PRKCI: variants seen among roughly 807,000 people sequenced by gnomAD.
PRKCI encodes protein kinase C iota type.
A neutral mutation model predicts 84.0 loss-of-function variants in PRKCI; 43 were observed. The observed-to-expected ratio is 0.51, with a 90% CI of 0.40 to 0.66. The LOEUF (loss-of-function observed/expected upper bound fraction) is 0.66, where lower values mean the gene tolerates loss of function less well. Among genes scored for constraint, PRKCI ranks in the 30% least tolerant of loss-of-function variants. The probability of loss-of-function intolerance (pLI) is 0.00; values close to 1 mark genes in which losing one functional copy is unlikely to be tolerated. For synonymous variants in PRKCI, 216 were observed against 234.4 expected (o/e 0.92, Z 0.72); for missense variants, 459 against 745.6 (o/e 0.62, Z 4.48).
intron 1 of PRKCI, among the ~76,000 whole-genome samples, chr3:170,227,741 C>CA (rs1249500157): frequency 6.6e-6 from 1 of 152,180 alleles, no homozygotes; most frequent in East Asian, 1.9e-4. Context: ...TGTCATACTG[C>CA]AGAGTTTAGA....
intron 10 of PRKCI, chr3:170,281,574 G>A (rs1000952521): frequency 2.0e-5 from 8 of 403,456 alleles, no homozygotes; most frequent in African/African-American, 1.2e-4. Flanking sequence ...TTAACAAGGA[G>A]GAAAAATACC....
chr3:170,287,222 T>A (rs542990380), intron 12 of PRKCI, among the ~76,000 whole-genome samples: 1 of 152,006 alleles, frequency 6.6e-6, no homozygotes, highest in South Asian at 2.1e-4. Flanking sequence ...TCCCAGCTAC[T>A]TGGGAGGCTG....
intron 2 of PRKCI, 74 bp from the exon 3 acceptor site, chr3:170,259,894 AT>A: frequency 1.4e-6 from 1 of 740,102 alleles, no homozygotes; most frequent in Non-Finnish European, 2.2e-6. Context: ...AAAAATTTAC[AT>A]TATGAAATTT....
chr3:170,281,975 T>A lies in PRKCI; in HGVS notation c.1067+7T>A. On this transcript the variant is annotated splice_region_variant and intron_variant, in intron 11 of 17. Coordinates refer to ENST00000295797, the MANE Select transcript of PRKCI (RefSeq NM_002740.6). ...TTCCTGAAGAACATGCCAGGTGAGT[T>A]TTTGTTTACTGTTTGTGTTGTTTTC... The A allele has an allele frequency of 6.2e-7, 1 of 1,610,272 alleles. No individual in the cohort carries two copies.
Position 170,222,640 on chromosome 3 carries a change from C to A in PRKCI, c.-30C>A. ...CCGAAGCGCCCCCCCGCACCCCCGG[C>A]CTCCAGCGTTGAGGCGGGGGAGTGA... On this transcript the variant is annotated 5_prime_UTR_variant, in exon 1 of 18. Transcript: ENST00000295797. The A allele has an allele frequency of 6.5e-7, 1 of 1,530,822 alleles. No homozygotes were observed. Among genetic ancestry groups the A allele is most frequent in the Non-Finnish European group, 8.8e-7 (1 of 1,137,482 alleles). 94.8% of individuals were successfully genotyped at this position (1,530,822 alleles called of 1,614,324 possible). A position where few individuals can be genotyped will look rare whatever the true frequency, so the allele number is the denominator to read the frequency against.
Position 170,262,917 on chromosome 3 carries a change from TC to T in PRKCI, c.314-459del, listed in dbSNP as rs1733767485. On this transcript the variant is annotated intron_variant, in intron 3 of 17. Transcript: ENST00000295797. ...CGGGCGCGGTGACTCACGCCTGTAA[TC>T]CCAGCACTTTGGGAGGCCGAGACAG... Among the ~76,000 whole-genome samples, 3 of 149,078 alleles carry T rather than the reference TC, an allele frequency of 2.0e-5. No homozygotes were observed. In the South Asian group the frequency reaches 6.4e-4, roughly 32 times the overall value.
chr3:170,304,897 CTT>C lies in PRKCI; in HGVS notation c.*1776_*1777del, dbSNP rs1386002011. On this transcript the variant is annotated 3_prime_UTR_variant, in exon 18 of 18. Transcript: ENST00000295797. ...AATTTGTAGGCATTTAATAAATTAT[CTT>C]TTTTTGGAGGGGTGGATGCTGCATT... 1 of 151,838 alleles carries C rather than the reference CTT, an allele frequency of 6.6e-6. No individual in the cohort carries two copies. The highest frequency in any genetic ancestry group is 2.4e-5 in the African/African-American group (1 of 41,318). The allele number at this position is 151,838 out of a possible 1,614,324, so 9.4% of individuals were successfully genotyped here.
chr3:170,258,931 CAGAA>C (rs1399371753), intron 2 of PRKCI, among the ~76,000 whole-genome samples: 1 of 152,124 alleles, frequency 6.6e-6, no homozygotes, highest in Non-Finnish European at 1.5e-5. Flanking sequence ...AAACAGGTAA[CAGAA>C]AGCCTCCTCT....
chr3:170,293,994 G>A (rs1363697199), intron 14 of PRKCI, among the ~76,000 whole-genome samples: 1 of 152,044 alleles, frequency 6.6e-6, no homozygotes, highest in Non-Finnish European at 1.5e-5. Context: ...TGTGTATTAG[G>A]TTTTGATGTT....
At chr3:170,265,143 C>T (rs1399551340) in intron 4 of PRKCI, among the ~76,000 whole-genome samples, 2 of 150,972 alleles carry the variant, frequency 1.3e-5, no homozygotes, top group South Asian at 2.1e-4. Flanking sequence ...GAGCTGAGGT[C>T]GCGCCAGTAC....
At chr3:170,297,486 G>GA in intron 16 of PRKCI, 93 bp downstream of exon 16, 17 of 1,026,328 alleles carry the variant, frequency 1.7e-5, no homozygotes, top group East Asian at 2.6e-5. Context: ...ACAGAGTCTT[G>GA]CTCTGTCACC....
rs558686572 is a variant in PRKCI, at chr3:170,241,632, C to T, written c.223+6281C>T. 5.3e-5 allele frequency among the ~76,000 whole-genome samples: 8 copies of T among 152,026 alleles called. No individual in the cohort carries two copies. In the South Asian group the frequency reaches 1.7e-3, roughly 32 times the overall value. On this transcript the variant is annotated intron_variant, in intron 2 of 17. Coordinates refer to ENST00000295797, the MANE Select transcript of PRKCI (RefSeq NM_002740.6). ...ATTGTGAATGATGCAGATGCTACAG[C>T]GTAGTTCACCTTTGTTTTGAGAGAG...
chr3:170,237,259 G>A (rs1332654511), intron 2 of PRKCI, among the ~76,000 whole-genome samples: 1 of 152,216 alleles, frequency 6.6e-6, no homozygotes, highest in African/African-American at 2.4e-5. Context: ...CTCCACGGGT[G>A]AGTTGTATGA....
intron 2 of PRKCI, among the ~76,000 whole-genome samples, chr3:170,258,560 G>A (rs1243065667): frequency 2.6e-5 from 4 of 151,910 alleles, no homozygotes; most frequent in African/African-American, 7.3e-5. Flanking sequence ...CCTCGGCCTC[G>A]CAAACTGTTG....
At chr3:170,272,685 A>G (rs1734031672) in intron 6 of PRKCI, among the ~76,000 whole-genome samples, 1 of 152,172 alleles carries the variant, frequency 6.6e-6, no homozygotes, top group African/African-American at 2.4e-5. Flanking sequence ...TCTCAAGTTT[A>G]CTTTTTCCTG....
intron 2 of PRKCI, among the ~76,000 whole-genome samples, chr3:170,251,283 A>G (rs921329494): frequency 2.6e-5 from 4 of 152,226 alleles, no homozygotes; most frequent in Non-Finnish European, 4.4e-5. Flanking sequence ...AAATCTGACA[A>G]AAATTTCATC....
In PRKCI at chr3:170,235,363, A is replaced by T. The variant is rs913905426; in HGVS notation, c.223+12A>T. ...GATAGATGAGGAAGGTGAGTGGTAA[A>T]GACAGGGCTGCCTGTGTAAGCATTT... On this transcript the variant is annotated intron_variant, in intron 2 of 17. Coordinates refer to ENST00000295797, the MANE Select transcript of PRKCI (RefSeq NM_002740.6). 4.3e-6 allele frequency: 7 copies of T among 1,613,540 alleles called. No homozygotes were observed. Among genetic ancestry groups the T allele is most frequent in the Non-Finnish European group, 5.9e-6 (7 of 1,179,630 alleles).
chr3:170,225,343 T>C (rs1343188726), intron 1 of PRKCI, among the ~76,000 whole-genome samples: 4 of 152,224 alleles, frequency 2.6e-5, no homozygotes, highest in Non-Finnish European at 5.9e-5. Flanking sequence ...TGGTATTACA[T>C]AGTCAGCTGC....
chr3:170,269,384 G>A (rs755151031), intron 5 of PRKCI, among the ~76,000 whole-genome samples: 6 of 152,192 alleles, frequency 3.9e-5, no homozygotes, highest in Non-Finnish European at 8.8e-5. Flanking sequence ...CTTTGAGGCT[G>A]GGTGCAATGG....
Sources: gnomAD v4.1 joint callset for allele counts (sites outside exome capture counted in the v4.1 genomes callset) on GRCh38, gnomAD v4.1.1 for gene constraint, MANE v1.5 for transcripts, NCBI Gene and HGNC (gene_info 2026-07-23, HGNC 2026-07-21) for gene names.